CNTN1: variants seen among roughly 807,000 people sequenced by gnomAD.
CNTN1 encodes the protein contactin-1.
A neutral mutation model predicts 126.4 loss-of-function variants in CNTN1; 38 were observed. The ratio of observed to expected loss-of-function variants is 0.30; its 90% CI spans 0.23 to 0.39. The LOEUF is 0.39. Ranked by LOEUF, CNTN1 falls within the 10% of genes least tolerant of loss-of-function variation. CNTN1 has a pLI of 1.00. For synonymous variants in CNTN1, 413 were observed against 422.6 expected (o/e 0.98, Z 0.28); for missense variants, 1,009 against 1,248.4 (o/e 0.81, Z 2.89).
intron 1 of CNTN1, among the ~76,000 whole-genome samples, chr12:40,721,637 G>C (rs891387837): frequency 4.7e-5 from 7 of 148,164 alleles, no homozygotes; most frequent in East Asian, 4.0e-4. Context: ...TGCCATGCTG[G>C]TGTGCTGCAC....
At position 41,056,988 on chromosome 12, in the gene CNTN1, TAAATATTATA is replaced by T. The variant is rs1566234680; in HGVS notation, c.2981-12968_2981-12959del. Among the ~76,000 whole-genome samples the T allele has an allele frequency of 4.1e-5, 4 of 96,670 alleles. 1 individual carries two copies. Among genetic ancestry groups the T allele is most frequent in the African/African-American group, 1.6e-4 (3 of 18,378 alleles). 63.4% of individuals were successfully genotyped at this position (96,670 alleles called of 152,430 possible). ...AATATTATAAATATTTAGATATTTA[TAAATATTATA>T]AATATTTAGATATTTATAAATGATA... On this transcript the variant is annotated intron_variant, in intron 23 of 23. Transcript: ENST00000551295.
chr12:40,709,613 T>G (rs975722794), intron 1 of CNTN1, among the ~76,000 whole-genome samples: 10 of 152,262 alleles, frequency 6.6e-5, no homozygotes, highest in African/African-American at 2.4e-4. Context: ...AATTATGTTG[T>G]TTAGTGTAGC....
intron 1 of CNTN1, among the ~76,000 whole-genome samples, chr12:40,736,448 C>T (rs1262463435): frequency 6.6e-6 from 1 of 151,996 alleles, no homozygotes; most frequent in Admixed American, 6.6e-5. Context: ...AGAAAGAAAT[C>T]GCTAACATAT....
At chr12:41,018,028 T>C (rs539876181) in intron 19 of CNTN1, among the ~76,000 whole-genome samples, 21 of 151,246 alleles carry the variant, frequency 1.4e-4, no homozygotes, top group Admixed American at 4.0e-4. Flanking sequence ...GAGGTGAAGT[T>C]GCCGTGAGCC....
intron 16 of CNTN1, among the ~76,000 whole-genome samples, chr12:40,982,803 A>G (rs1238367321): frequency 6.6e-6 from 1 of 152,134 alleles, no homozygotes; most frequent in Non-Finnish European, 1.5e-5. Context: ...TGCTAGAGAG[A>G]AACAACAGAA....
rs534287845 is a variant in CNTN1 at position 41,035,882 on chromosome 12, A to G, written c.2980+6663A>G. On this transcript the variant is annotated intron_variant, in intron 23 of 23. Transcript: ENST00000551295. ...AACAGCCTGGCATTGATTACATCTA[A>G]AAGGCAATACTCAGATGTTTGTAAT... 2.0e-5 allele frequency among the ~76,000 whole-genome samples: 3 copies of G among 152,264 alleles called. No homozygotes were observed. The East Asian group carries it at 5.8e-4, about 29-fold the overall frequency.
chr12:40,836,717 A>T (rs1351408023), intron 1 of CNTN1, among the ~76,000 whole-genome samples: 1 of 152,220 alleles, frequency 6.6e-6, no homozygotes, highest in African/African-American at 2.4e-5. Flanking sequence ...CATTGTTGTT[A>T]TAAAATAATG....
At chr12:40,863,922 T>TCCTTCCTTCCTTCCTC (rs1349653927) in intron 1 of CNTN1, among the ~76,000 whole-genome samples, 99 of 138,090 alleles carry the variant, frequency 7.2e-4, no homozygotes, top group African/African-American at 3.2e-3. Context: ...CTTCCTTCCT[T>TCCTTCCTTCCTTCCTC]CCTTCCTCCC....
chr12:40,812,535 A>G (rs1941104640), intron 1 of CNTN1, among the ~76,000 whole-genome samples: 1 of 151,932 alleles, frequency 6.6e-6, no homozygotes, highest in African/African-American at 2.4e-5. Flanking sequence ...ATTTGTGTTG[A>G]TTTCTCCCAT....
At chr12:41,042,971 C>T (rs1192790100) in intron 23 of CNTN1, among the ~76,000 whole-genome samples, 1 of 152,150 alleles carries the variant, frequency 6.6e-6, no homozygotes, top group Non-Finnish European at 1.5e-5. Flanking sequence ...AACTGGATCC[C>T]TTCTTTACAC....
intron 1 of CNTN1, among the ~76,000 whole-genome samples, chr12:40,782,046 G>A (rs74353980): frequency 7.7e-4 from 117 of 151,938 alleles, no homozygotes; most frequent in African/African-American, 2.7e-3. Context: ...TGTCACATGA[G>A]AAATTGTTAA....
chr12:40,945,795 A>G (rs1003693463), intron 14 of CNTN1, among the ~76,000 whole-genome samples: 2 of 152,042 alleles, frequency 1.3e-5, no homozygotes, highest in Non-Finnish European at 2.9e-5. Flanking sequence ...TAGACCATAA[A>G]AATGTAAAAG....
chr12:40,984,461 G>A (rs1304161511), intron 16 of CNTN1, among the ~76,000 whole-genome samples: 1 of 152,130 alleles, frequency 6.6e-6, no homozygotes, highest in African/African-American at 2.4e-5. Flanking sequence ...TTTCATTCAT[G>A]GTGAAAGCAA....
chr12:40,814,179 G>A (rs926785943), intron 1 of CNTN1, among the ~76,000 whole-genome samples: 8 of 152,168 alleles, frequency 5.3e-5, no homozygotes, highest in African/African-American at 1.9e-4. Flanking sequence ...TTCTTTTGCT[G>A]TGCAGAAGCT....
At chr12:40,695,301 C>A (rs1390172218) in intron 1 of CNTN1, among the ~76,000 whole-genome samples, 1 of 152,124 alleles carries the variant, frequency 6.6e-6, no homozygotes, top group Non-Finnish European at 1.5e-5. Context: ...TGGGAGGAAA[C>A]TTCCTCTGGC....
At chr12:41,034,105 G>A (rs945956438) in intron 23 of CNTN1, among the ~76,000 whole-genome samples, 10 of 152,152 alleles carry the variant, frequency 6.6e-5, no homozygotes, top group African/African-American at 2.4e-4. Flanking sequence ...TGGAAAGAAG[G>A]CAGTGGTGGA....
intron 21 of CNTN1, among the ~76,000 whole-genome samples, chr12:41,027,578 C>A (rs1949060670): frequency 6.6e-6 from 1 of 152,040 alleles, no homozygotes; most frequent in Non-Finnish European, 1.5e-5. Flanking sequence ...GATGACCTTG[C>A]AAATAGCAAT....
intron 19 of CNTN1, among the ~76,000 whole-genome samples, chr12:41,017,831 C>T (rs1211505511): frequency 6.6e-6 from 1 of 152,024 alleles, no homozygotes; most frequent in Non-Finnish European, 1.5e-5. Context: ...GTGGCTCACG[C>T]CTGTAATCCC....
At chr12:40,810,132 C>G (rs1285679613) in intron 1 of CNTN1, among the ~76,000 whole-genome samples, 1 of 152,020 alleles carries the variant, frequency 6.6e-6, no homozygotes, top group Non-Finnish European at 1.5e-5. Flanking sequence ...ATAAATGAAG[C>G]CTGTATTTTA....
Sources: gnomAD v4.1 joint callset for allele counts (sites outside exome capture counted in the v4.1 genomes callset) on GRCh38, gnomAD v4.1.1 for gene constraint, MANE v1.5 for transcripts, NCBI Gene and HGNC (gene_info 2026-07-23, HGNC 2026-07-21) for gene names.